NUB1: variants seen among roughly 807,000 people sequenced by gnomAD.
NUB1 encodes NEDD8 ultimate buster 1.
A neutral mutation model predicts 77.1 loss-of-function variants in NUB1; 41 were observed. The observed-to-expected ratio is 0.53, with a 90% confidence interval of 0.41 to 0.69. The LOEUF is 0.69. Among genes scored for constraint, NUB1 ranks in the 30% least tolerant of loss-of-function variants. The probability of loss-of-function intolerance (pLI) is 0.00; values close to 1 mark genes in which losing one functional copy is unlikely to be tolerated. For synonymous variants in NUB1, 257 were observed against 281.0 expected, an observed-to-expected ratio of 0.91 and a Z score of 0.85; for missense variants, 643 against 743.8, an observed-to-expected ratio of 0.86 and a Z score of 1.58.
chr7:151,362,256 G>A (rs1401920918), intron 8 of NUB1, among the ~76,000 whole-genome samples: 1 of 151,526 alleles, frequency 6.6e-6, no homozygotes, highest in African/African-American at 2.4e-5. Context: ...TTTTTCCTGG[G>A]CATCTATTTA....
chr7:151,369,988 C>A (rs956029790), intron 11 of NUB1, among the ~76,000 whole-genome samples: 9 of 152,208 alleles, frequency 5.9e-5, no homozygotes, highest in Middle Eastern at 3.2e-3. Context: ...TTTTACAACA[C>A]CAGCTGTGGT....
intron 2 of NUB1, among the ~76,000 whole-genome samples, chr7:151,347,174 ATG>A (rs1796539331): frequency 6.6e-6 from 1 of 152,158 alleles, no homozygotes. Flanking sequence ...AATATAAAGA[ATG>A]TATTTTTAAA....
At position 151,377,064 on chromosome 7, in the gene NUB1, A is replaced by G. The variant is rs899292228; in HGVS notation, c.1687A>G (p.Thr563Ala). The G allele has an allele frequency of 2.6e-6, 4 of 1,561,218 alleles. No individual in the cohort carries two copies. The highest frequency in any genetic ancestry group is 2.3e-5 in the East Asian group (1 of 43,302). Residue 563 changes from threonine (T) to alanine (A), a missense_variant, in exon 15 of 15, where the codon ACA becomes GCA. Thr to Ala is a moderately conservative substitution (Grantham distance 58). Coordinates refer to ENST00000568733, the MANE Select transcript of NUB1 (RefSeq NM_001243351.2). ...SDSAGTSSAS[T>A]DEDMETEAVN... ...TATTGTAGGAACCTCTAGTGCCTCAACAGACGAAGACATGGAGACAGAGGC... is the reference window on the plus strand; with the variant it reads ...TATTGTAGGAACCTCTAGTGCCTCAGCAGACGAAGACATGGAGACAGAGGC...
At chr7:151,375,804 AAG>A in intron 12 of NUB1, 42 bp from the exon 13 acceptor site, 1 of 1,302,732 alleles carries the variant, frequency 7.7e-7, no homozygotes, top group Non-Finnish European at 1.1e-6. Context: ...TGAATGTGTG[AAG>A]AGTTCTTAGT....
intron 2 of NUB1, among the ~76,000 whole-genome samples, chr7:151,348,741 A>G (rs1399511921): frequency 6.6e-6 from 1 of 151,788 alleles, no homozygotes; most frequent in Non-Finnish European, 1.5e-5. Flanking sequence ...ATGCCCAGCT[A>G]ATTTTTGTAT....
At position 151,377,511 on chromosome 7, in the gene NUB1, G is replaced by C. The variant is rs1310814315; in HGVS notation, c.*286G>C. 2 of 223,060 alleles carry C rather than the reference G, an allele frequency of 9.0e-6. No individual in the cohort carries two copies. Among genetic ancestry groups the C allele is most frequent in the Admixed American group, 1.1e-4 (2 of 17,682 alleles). 13.8% of individuals were successfully genotyped at this position (223,060 alleles called of 1,614,324 possible). On this transcript the variant is annotated 3_prime_UTR_variant, in exon 15 of 15. Transcript: ENST00000568733. ...TTTACCCCGAAACAGGAAGGAACAGGGGTCCTGTAGAACAGGGGTCCTGGG... is the reference window on the plus strand; with the variant it reads ...TTTACCCCGAAACAGGAAGGAACAGCGGTCCTGTAGAACAGGGGTCCTGGG...
chr7:151,350,624 T>C (rs1237087833), intron 3 of NUB1, among the ~76,000 whole-genome samples: 3 of 152,270 alleles, frequency 2.0e-5, no homozygotes, highest in African/African-American at 7.2e-5. Flanking sequence ...AGAGTAATAC[T>C]ACAAACTAAT....
intron 11 of NUB1, among the ~76,000 whole-genome samples, chr7:151,370,392 A>C (rs2150709459): frequency 6.6e-6 from 1 of 152,290 alleles, no homozygotes; most frequent in African/African-American, 2.4e-5. Context: ...ACCAGCTGAA[A>C]AGTTGAGTTC....
intron 8 of NUB1, among the ~76,000 whole-genome samples, chr7:151,363,030 G>A (rs1409411511): frequency 5.3e-5 from 8 of 152,156 alleles, no homozygotes; most frequent in Non-Finnish European, 8.8e-5. Context: ...TTAACTTACC[G>A]TTTTCAAATA....
chr7:151,375,809 T>A, intron 12 of NUB1, 39 bp from the exon 13 acceptor site: 1 of 1,358,406 alleles, frequency 7.4e-7, no homozygotes, highest in Non-Finnish European at 1.1e-6. Flanking sequence ...GTGTGAAGAG[T>A]TCTTAGTGAT....
chr7:151,377,019 C>T, intron 14 of NUB1, 28 bp from the exon 15 acceptor site: 1 of 1,504,456 alleles, frequency 6.6e-7, no homozygotes, highest in East Asian at 2.4e-5. Flanking sequence ...TCACATAATT[C>T]ACTTACTCCT....
rs1360700654 is a variant in NUB1 at position 151,378,088 on chromosome 7, T to C, written c.*863T>C. On this transcript the variant is annotated 3_prime_UTR_variant, in exon 15 of 15. Transcript: ENST00000568733. ...GTTTTCTTTGTTGTTGTTGTTGTTC[T>C]AGCCATGTGACAGAGGCTCTTTCTA... 1 of 152,256 alleles carries C rather than the reference T, an allele frequency of 6.6e-6. No homozygotes were observed. The highest frequency in any genetic ancestry group is 1.5e-5 in the Non-Finnish European group (1 of 68,060). The allele number at this position is 152,256 out of a possible 1,614,324, so 9.4% of individuals were successfully genotyped here.
chr7:151,376,514 G>C, intron 13 of NUB1, 120 bp from the exon 14 acceptor site: 1 of 926,944 alleles, frequency 1.1e-6, no homozygotes, highest in Non-Finnish European at 1.6e-6. Context: ...TGCACAAAGG[G>C]CCATGGTGCA....
intron 1 of NUB1, among the ~76,000 whole-genome samples, chr7:151,343,626 G>A (rs903953441): frequency 2.0e-5 from 3 of 152,068 alleles, no homozygotes; most frequent in Non-Finnish European, 4.4e-5. Flanking sequence ...CATCTCAGCC[G>A]CCTCACTCAC....
At chr7:151,343,770 T>C (rs1161847692) in intron 1 of NUB1, among the ~76,000 whole-genome samples, 1 of 152,024 alleles carries the variant, frequency 6.6e-6, no homozygotes, top group African/African-American at 2.4e-5. Context: ...GAGTCCAGTG[T>C]TGTGGGTGGA....
chr7:151,355,721 T>C (rs1159867235), intron 5 of NUB1, 47 bp from the exon 6 acceptor site: 7 of 1,486,424 alleles, frequency 4.7e-6, no homozygotes, highest in African/African-American at 2.8e-5. Flanking sequence ...TGTTACCTGG[T>C]AAGCTTAATG....
At chr7:151,367,156 T>G (rs1261720552) in intron 9 of NUB1, 31 bp downstream of exon 9, 1 of 1,551,650 alleles carries the variant, frequency 6.4e-7, no homozygotes, top group Non-Finnish European at 8.8e-7. Context: ...TTATGTCTCG[T>G]TGAGTCCATT....
chr7:151,342,638 G>A lies in NUB1; in HGVS notation c.-3+792G>A, dbSNP rs7341445. Among the ~76,000 whole-genome samples, 48 of 152,166 alleles carry A rather than the reference G, an allele frequency of 3.2e-4. 1 individual carries two copies. Among genetic ancestry groups the A allele is most frequent in the African/African-American group, 1.1e-3 (47 of 41,520 alleles). ...TATTAAACTTGACTTAAAATATGTC[G>A]CCACTTACTCTGTTGTCTATAACTG... On this transcript the variant is annotated intron_variant, in intron 1 of 14. Coordinates refer to ENST00000568733, the MANE Select transcript of NUB1 (RefSeq NM_001243351.2).
chr7:151,376,046 A>C (rs1798212976), intron 13 of NUB1, 103 bp downstream of exon 13: 1 of 770,038 alleles, frequency 1.3e-6, no homozygotes, highest in Non-Finnish European at 2.3e-6. Context: ...GTCCGTGCTG[A>C]AACCTTGGCT....
Sources: gnomAD v4.1 joint callset for allele counts (sites outside exome capture counted in the v4.1 genomes callset) on GRCh38, gnomAD v4.1.1 for gene constraint, MANE v1.5 for transcripts, NCBI Gene and HGNC (gene_info 2026-07-23, HGNC 2026-07-21) for gene names.